The following ZFHX3 variants were observed in gnomAD, a reference collection of about 807,000 sequenced individuals.
The protein encoded by ZFHX3 is zinc finger homeobox protein 3.
ZFHX3 carries 42 observed loss-of-function variants against 279.1 expected under a neutral mutation model. That is an observed-to-expected ratio of 0.15 (90% CI 0.12 to 0.19). The LOEUF (loss-of-function observed/expected upper bound fraction) is 0.19, where lower values mean the gene tolerates loss of function less well. Among genes scored for constraint, ZFHX3 ranks in the 10% least tolerant of loss-of-function variants. ZFHX3 has a pLI of 1.00. For missense variants in ZFHX3, 4,981 were observed against 4,754.0 expected (o/e 1.05, Z -1.40); for synonymous variants, 2,293 against 1,957.8 (o/e 1.17, Z -4.52).
chr16:73,191,939 C>G (rs1338455158), intron 5 of ZFHX3, among the ~76,000 whole-genome samples: 2 of 152,254 alleles, frequency 1.3e-5, no homozygotes, highest in African/African-American at 2.4e-5. Context: ...AAAGAGGAAT[C>G]TGACCCACCA....
At chr16:73,710,611 G>A (rs777477404) in intron 1 of ZFHX3, among the ~76,000 whole-genome samples, 15 of 150,950 alleles carry the variant, frequency 9.9e-5, no homozygotes, top group Non-Finnish European at 2.1e-4. Flanking sequence ...ATGGAATGTA[G>A]AGAGAGACCC....
At chr16:73,686,353 C>T (rs746983885) in intron 1 of ZFHX3, among the ~76,000 whole-genome samples, 4 of 152,168 alleles carry the variant, frequency 2.6e-5, no homozygotes, top group Non-Finnish European at 5.9e-5. Context: ...CTCGGCCTCC[C>T]AAAGTGCTGG....
chr16:73,792,865 C>CG (rs1555501990), intron 1 of ZFHX3, among the ~76,000 whole-genome samples: 89 of 148,706 alleles, frequency 6.0e-4, no homozygotes, highest in South Asian at 2.6e-3. Flanking sequence ...CACCCCCCCC[C>CG]TCCCCTCTCT....
intron 4 of ZFHX3, among the ~76,000 whole-genome samples, chr16:72,880,150 TC>T (rs2038425319): frequency 1.3e-5 from 2 of 152,264 alleles, no homozygotes; most frequent in African/African-American, 2.4e-5. Context: ...CGAGGCGACT[TC>T]CAGGATCTCC....
rs558859972 is a variant in ZFHX3, at chr16:73,268,422, C to T, written c.-1193-11286G>A. Among the ~76,000 whole-genome samples, 8 of 152,286 alleles carry T rather than the reference C, an allele frequency of 5.3e-5. No individual in the cohort carries two copies. The East Asian group carries it at 9.7e-4, about 18-fold the overall frequency. ...TTGCCCAGTTACCCAGCGAGAGTCA[C>T]GTCCCAGACCCTACCCACAGGAGAC... On this transcript the variant is annotated intron_variant, in intron 4 of 17. Transcript: ENST00000641206.
chr16:73,634,782 TAGAG>T (rs1163022716), intron 2 of ZFHX3, among the ~76,000 whole-genome samples: 1 of 152,002 alleles, frequency 6.6e-6, no homozygotes, highest in East Asian at 1.9e-4. Flanking sequence ...ACAAAGAAAT[TAGAG>T]AGAAAGATAA....
intron 1 of ZFHX3, among the ~76,000 whole-genome samples, chr16:73,779,758 G>A (rs979508361): frequency 2.6e-5 from 4 of 151,954 alleles, no homozygotes; most frequent in East Asian, 1.9e-4. Flanking sequence ...TCGTTCTGTC[G>A]TCAGGTTGGA....
chr16:73,183,633 C>A (rs997007485), intron 5 of ZFHX3, among the ~76,000 whole-genome samples: 7 of 152,128 alleles, frequency 4.6e-5, no homozygotes, highest in African/African-American at 1.5e-4. Flanking sequence ...CGCTGTCTTA[C>A]GTTTGGGAAA....
intron 4 of ZFHX3, among the ~76,000 whole-genome samples, chr16:72,853,044 G>A (rs979703408): frequency 1.4e-4 from 21 of 152,120 alleles, no homozygotes; most frequent in African/African-American, 4.8e-4. Flanking sequence ...GAACCATCAC[G>A]TCAACATGTA....
At chr16:73,239,988 G>A (rs2013069931) in intron 5 of ZFHX3, among the ~76,000 whole-genome samples, 1 of 151,884 alleles carries the variant, frequency 6.6e-6, no homozygotes, top group African/African-American at 2.4e-5. Flanking sequence ...CTCGTTTTAT[G>A]TGTGTTCCTG....
At chr16:73,814,451 A>G (rs1960508628) in intron 1 of ZFHX3, among the ~76,000 whole-genome samples, 1 of 152,238 alleles carries the variant, frequency 6.6e-6, no homozygotes. Flanking sequence ...TCAAAATTTA[A>G]TTTTAAAACT....
At chr16:73,041,809 A>C (rs16971547) in intron 1 of ZFHX3, among the ~76,000 whole-genome samples, 2,491 of 152,364 alleles carry the variant, frequency 0.016, 65 homozygotes, top group African/African-American at 0.054. Flanking sequence ...TCCTCCAGTC[A>C]AGGCCAAATG....
intron 3 of ZFHX3, among the ~76,000 whole-genome samples, chr16:72,921,803 C>G (rs2039592761): frequency 6.6e-6 from 1 of 152,212 alleles, no homozygotes; most frequent in African/African-American, 2.4e-5. Flanking sequence ...TTGTCCTGAG[C>G]CAGGAGGAGA....
chr16:73,812,189 C>T (rs1387674195), intron 1 of ZFHX3, among the ~76,000 whole-genome samples: 4 of 152,084 alleles, frequency 2.6e-5, no homozygotes, highest in South Asian at 4.2e-4. Context: ...TCTCTAGGTA[C>T]GAATTTCCCA....
chr16:73,281,934 G>A (rs2014468079), intron 4 of ZFHX3, among the ~76,000 whole-genome samples: 1 of 152,152 alleles, frequency 6.6e-6, no homozygotes, highest in African/African-American at 2.4e-5. Context: ...GAGATACCAA[G>A]TTTAGGGACA....
At chr16:73,717,094 A>G (rs912598185) in intron 1 of ZFHX3, among the ~76,000 whole-genome samples, 23 of 152,194 alleles carry the variant, frequency 1.5e-4, no homozygotes, top group African/African-American at 5.5e-4. Context: ...AGAAAACCAG[A>G]TGAAAGACAG....
chr16:73,499,668 T>C (rs1205990763), intron 2 of ZFHX3: 1 of 152,238 alleles, frequency 6.6e-6, no homozygotes, highest in Non-Finnish European at 1.5e-5. Context: ...TGAGGGGATC[T>C]TAATAATTAA....
chr16:72,890,589 C>T (rs905779950), intron 3 of ZFHX3, among the ~76,000 whole-genome samples: 3 of 152,112 alleles, frequency 2.0e-5, no homozygotes, highest in African/African-American at 7.2e-5. Flanking sequence ...CTATCTCCCC[C>T]AAATGGCCCC....
intron 1 of ZFHX3, among the ~76,000 whole-genome samples, chr16:72,969,950 C>T (rs769830339): frequency 6.6e-6 from 1 of 152,214 alleles, no homozygotes; most frequent in Non-Finnish European, 1.5e-5. Flanking sequence ...TGCTGCCGGA[C>T]GCCCACTGCC....
Sources: allele counts gnomAD v4.1 joint callset (sites outside exome capture counted in the v4.1 genomes callset), GRCh38; gene constraint gnomAD v4.1.1; transcripts MANE v1.5; gene names NCBI Gene and HGNC (gene_info 2026-07-23, HGNC 2026-07-21).